The following BRD8 variants were observed in gnomAD, a reference collection of about 807,000 sequenced individuals.
The protein encoded by BRD8 is bromodomain-containing protein 8.
BRD8 carries 67 observed loss-of-function variants against 143.1 expected under a neutral mutation model. The observed-to-expected ratio is 0.47, with a 90% CI of 0.38 to 0.57. The LOEUF (loss-of-function observed/expected upper bound fraction) is 0.57, where lower values mean the gene tolerates loss of function less well. BRD8 is among the 20% of genes least tolerant of loss of function. The probability of loss-of-function intolerance (pLI) is 0.00; values close to 1 mark genes in which losing one functional copy is unlikely to be tolerated. For missense variants in BRD8, 1,103 were observed against 1,503.0 expected, an observed-to-expected ratio of 0.73 and a Z score of 4.40; for synonymous variants, 505 against 517.1, an observed-to-expected ratio of 0.98 and a Z score of 0.32.
In BRD8 at chr5:138,178,526, G is replaced by T. The variant is rs996186624; in HGVS notation, c.19+70C>A. On this transcript the variant is annotated intron_variant, in intron 1 of 26. Transcript: ENST00000254900. ...CCCACTTCTCCCACTCCCTAAGCGT[G>T]TAACAAAAATATGGTGCCTAGCCTC... 95 of 1,410,456 alleles carry T rather than the reference G, an allele frequency of 6.7e-5. 1 individual carries two copies. In the Middle Eastern group the frequency reaches 1.1e-3, roughly 16 times the overall value. The allele number at this position is 1,410,456 out of a possible 1,614,324, so 87.4% of individuals were successfully genotyped here. A position where few individuals can be genotyped will look rare whatever the true frequency, so the allele number is the denominator to read the frequency against.
chr5:138,160,305 G>A lies in BRD8; in HGVS notation c.2428-132C>T, dbSNP rs190462525. ...TCAAATATATTTTGACTGATTGGAA[G>A]TTTAGCATATTAAGTTTTAATTCTA... On this transcript the variant is annotated intron_variant, in intron 18 of 26. Transcript: ENST00000254900. The A allele has an allele frequency of 4.6e-5, 30 of 646,446 alleles. No homozygotes were observed. In the East Asian group the frequency reaches 7.5e-4, roughly 16 times the overall value. The allele number at this position is 646,446 out of a possible 1,614,324, so 40.0% of individuals were successfully genotyped here.
chr5:138,145,176 C>T lies in BRD8; in HGVS notation c.3437+1G>A. On this transcript the variant is annotated splice_donor_variant, in intron 25 of 26. Transcript: ENST00000254900. LOFTEE classifies it high-confidence loss of function. The stretch of plus-strand genomic sequence containing the variant: ...CCTTTCTTGACCCCTTTTTCACTGA[C>T]CTTTTCACCACATCCTTGTACCCTG... 6.2e-7 allele frequency: 1 copy of T among 1,612,078 alleles called. No homozygotes were observed. Among genetic ancestry groups the T allele is most frequent in the Non-Finnish European group, 8.5e-7 (1 of 1,179,490 alleles).
chr5:138,170,710 TC>T lies in BRD8; in HGVS notation c.440+121del. On this transcript the variant is annotated intron_variant, in intron 6 of 26. Coordinates refer to ENST00000254900, the MANE Select transcript of BRD8 (RefSeq NM_139199.2). ...CAGCCACCAAACCACTTTGCAGCTT[TC>T]CCCTTCCAGAATCTGTCTCAAGTCT... 2.1e-6 allele frequency: 2 copies of T among 949,318 alleles called. 1 individual carries two copies. The highest frequency in any genetic ancestry group is 4.1e-5 in the Admixed American group (2 of 49,116). 58.8% of individuals were successfully genotyped at this position (949,318 alleles called of 1,614,324 possible).
chr5:138,152,709 A>T lies in BRD8; in HGVS notation c.2629T>A (p.Ser877Thr). The T allele has an allele frequency of 1.2e-6, 2 of 1,614,170 alleles. No homozygotes were observed. Among genetic ancestry groups the T allele is most frequent in the Non-Finnish European group, 1.7e-6 (2 of 1,180,026 alleles). ...GACCTGCAGTCATTGCTCAACTCAG[A>T]GTCATTGGGATGATCTTGTTCAGAA... is the stretch of plus-strand genomic sequence containing the variant. Reference protein sequence around the residue: ...LDSEQDHPNDSELSNDCRSLF... With the variant: ...LDSEQDHPNDTELSNDCRSLF... Residue 877 changes from serine to threonine, a missense_variant, in exon 21 of 27, where the codon TCT becomes ACT. This residue lies in a region of BRD8 where 369 missense variants were observed against 445.5 expected (regional missense o/e 0.83). Coordinates refer to ENST00000254900, the MANE Select transcript of BRD8 (RefSeq NM_139199.2).
At position 138,145,928 on chromosome 5, in the gene BRD8, T is replaced by G. The variant is rs114857951; in HGVS notation, c.3279-50A>C. Reference sequence around the variant, plus strand: ...AGAGACAGTAACTTCACAAATAATATTCTATCTCCCCCAGGTGGGTAATGA... The same window carrying G: ...AGAGACAGTAACTTCACAAATAATAGTCTATCTCCCCCAGGTGGGTAATGA... On this transcript the variant is annotated intron_variant, in intron 23 of 26. Transcript: ENST00000254900. 9,171 of 1,483,352 alleles carry G rather than the reference T, an allele frequency of 6.2e-3. 134 individuals are homozygous for G. The highest frequency in any genetic ancestry group is 0.052 in the African/African-American group (3,771 of 72,332). 91.9% of individuals were successfully genotyped at this position (1,483,352 alleles called of 1,614,324 possible). A position where few individuals can be genotyped will look rare whatever the true frequency, so the allele number is the denominator to read the frequency against.
In BRD8 at chr5:138,157,143, A is replaced by AG. The variant is rs1465051173; in HGVS notation, c.2577+2411_2577+2412insC. On this transcript the variant is annotated intron_variant, in intron 20 of 26. Transcript: ENST00000254900. ...CTTCCACCTCTGGAACTGGGCCCGC[A>AG]AGCCCAAGCTCTATCTTGTTTACTT... 1.9e-6 allele frequency: 3 copies of AG among 1,602,904 alleles called. No homozygotes were observed. In the African/African-American group the frequency reaches 4.0e-5, roughly 21 times the overall value.
At chr5:138,164,030 A>T in intron 14 of BRD8, 57 bp downstream of exon 14, 2 of 1,540,748 alleles carry the variant, frequency 1.3e-6, no homozygotes, top group Non-Finnish European at 1.8e-6. Context: ...ATTAAAAAGT[A>T]GTGCTATAGG....
intron 14 of BRD8, 148 bp downstream of exon 14, chr5:138,163,939 G>C: frequency 1.1e-6 from 1 of 913,010 alleles, no homozygotes. Context: ...CTCCCATTAT[G>C]CCTGTCTACT....
chr5:138,149,338 C>CA (rs1290439771), intron 23 of BRD8, among the ~76,000 whole-genome samples: 1 of 151,790 alleles, frequency 6.6e-6, no homozygotes, highest in African/African-American at 2.4e-5. Flanking sequence ...AGGCTGGTCT[C>CA]AAAGTCCTGG....
At chr5:138,164,572 C>T (rs1056954604) in intron 12 of BRD8, 142 bp downstream of exon 12, 1 of 1,139,890 alleles carries the variant, frequency 8.8e-7, no homozygotes, top group East Asian at 2.4e-5. Context: ...GTATATATAA[C>T]ACTAATCACA....
At chr5:138,167,814 A>T (rs1753559258) in intron 9 of BRD8, 120 bp downstream of exon 9, 6 of 846,170 alleles carry the variant, frequency 7.1e-6, no homozygotes, top group African/African-American at 1.7e-5. Context: ...TCCAAAAAAA[A>T]GTTAGAAAAA....
At chr5:138,146,303 C>A (rs1485502375) in intron 23 of BRD8, among the ~76,000 whole-genome samples, 1 of 151,552 alleles carries the variant, frequency 6.6e-6, no homozygotes. Context: ...AGTGATCCAC[C>A]CGCCTCAGCC....
At chr5:138,177,702 A>G in intron 1 of BRD8, 35 bp from the exon 2 acceptor site, 1 of 1,317,898 alleles carries the variant, frequency 7.6e-7, no homozygotes, top group African/African-American at 1.5e-5. Context: ...AGCCTTGGAA[A>G]CAACCACTGA....
In BRD8 at chr5:138,175,756, A is replaced by G. The variant is rs1581466235; in HGVS notation, c.116+1815T>C. Among the ~76,000 whole-genome samples the G allele has an allele frequency of 2.6e-5, 4 of 151,010 alleles. 1 individual carries two copies. The South Asian group carries it at 6.3e-4, about 24-fold the overall frequency. On this transcript the variant is annotated intron_variant, in intron 2 of 26. Transcript: ENST00000254900. The stretch of plus-strand genomic sequence containing the variant: ...GGCAAAACCCCATCCCTACCAAAAA[A>G]TACAAAAATTAGCCAGGGGTGATGG...
chr5:138,163,075 A>T, intron 15 of BRD8, 55 bp downstream of exon 15: 1 of 1,476,692 alleles, frequency 6.8e-7, no homozygotes. Flanking sequence ...GAAGGAAAAG[A>T]TCCTCTCCTC....
chr5:138,154,874 G>C (rs370706042), intron 20 of BRD8, among the ~76,000 whole-genome samples: 1 of 147,496 alleles, frequency 6.8e-6, no homozygotes, highest in Non-Finnish European at 1.5e-5. Context: ...TCTGTCGCCA[G>C]GTTGGAGTGC....
intron 15 of BRD8, 60 bp from the exon 16 acceptor site, chr5:138,162,206 T>C: frequency 7.4e-7 from 1 of 1,356,356 alleles, no homozygotes; most frequent in South Asian, 1.3e-5. Flanking sequence ...ATTATAATTC[T>C]CTTTTCTTTT....
chr5:138,162,285 A>G (rs1753055161), intron 15 of BRD8, 139 bp from the exon 16 acceptor site: 1 of 638,398 alleles, frequency 1.6e-6, no homozygotes, highest in Admixed American at 3.0e-5. Context: ...TGCACCCTCA[A>G]CCTCCCAGAC....
In BRD8 at chr5:138,163,213, A is replaced by G. The variant is rs1753143865; in HGVS notation, c.2004T>C (p.Asp668=). The G allele has an allele frequency of 1.9e-6, 3 of 1,613,998 alleles. No homozygotes were observed. In the South Asian group the frequency reaches 3.3e-5, roughly 18 times the overall value. The change falls in exon 15 of 27, where the codon GAT becomes GAC. Residue 668 remains aspartate (D), a synonymous_variant. Coordinates refer to ENST00000254900, the MANE Select transcript of BRD8 (RefSeq NM_139199.2). ...TAGCATTGTGTATGCTGAAGCCATC[A>G]TCACTCTCGCTCACAGGAGGTTCAT... The part of the protein sequence containing the change: ...MDNEPPVSES[D]DGFSIHNATL...
Sources: allele counts gnomAD v4.1 joint callset (sites outside exome capture counted in the v4.1 genomes callset), GRCh38; gene constraint gnomAD v4.1.1; regional missense constraint gnomAD v4.1.1; transcripts MANE v1.5; gene names NCBI Gene and HGNC (gene_info 2026-07-23, HGNC 2026-07-21).